Variants in LIMCH1 observed in about 807,000 individuals in gnomAD.
LIMCH1 encodes the protein LIM and calponin homology domains 1.
LIMCH1 carries 113 observed loss-of-function variants against 176.5 expected under a neutral mutation model. That is an observed-to-expected ratio of 0.64 (90% CI 0.55 to 0.75). The LOEUF (loss-of-function observed/expected upper bound fraction) is 0.75, where lower values mean the gene tolerates loss of function less well. Ranked by LOEUF, LIMCH1 falls within the 30% of genes least tolerant of loss-of-function variation. The probability of loss-of-function intolerance (pLI) is 0.00; values close to 1 mark genes in which losing one functional copy is unlikely to be tolerated. For missense variants in LIMCH1, 1,674 were observed against 1,814.9 expected, an observed-to-expected ratio of 0.92 and a Z score of 1.41; for synonymous variants, 619 against 645.9, an observed-to-expected ratio of 0.96 and a Z score of 0.63.
At chr4:41,415,539 G>A (rs144182310) in intron 1 of LIMCH1, among the ~76,000 whole-genome samples, 17 of 152,264 alleles carry the variant, frequency 1.1e-4, no homozygotes, top group Admixed American at 1.0e-3. Context: ...CCAGGAGTCT[G>A]AAACCCAGCC....
chr4:41,419,709 T>TTCCTTCCTTCCTTCCG (rs1561313158), intron 1 of LIMCH1, among the ~76,000 whole-genome samples: 1 of 116,520 alleles, frequency 8.6e-6, no homozygotes, highest in East Asian at 2.5e-4. Flanking sequence ...CCTTCCTTCC[T>TTCCTTCCTTCCTTCCG]TCCTTCCTTC....
chr4:41,577,575 A>G (rs535801746), intron 1 of LIMCH1, among the ~76,000 whole-genome samples: 4 of 152,200 alleles, frequency 2.6e-5, no homozygotes, highest in Admixed American at 6.5e-5. Context: ...GACTACAGGT[A>G]TGTGCCACCA....
intron 1 of LIMCH1, among the ~76,000 whole-genome samples, chr4:41,468,400 C>T (rs922557952): frequency 1.5e-5 from 2 of 133,412 alleles, no homozygotes; most frequent in African/African-American, 2.8e-5. Flanking sequence ...CTCCCTTCCT[C>T]CCTTCCTTCC....
At chr4:41,574,414 C>T (rs1300927767) in intron 1 of LIMCH1, among the ~76,000 whole-genome samples, 1 of 151,502 alleles carries the variant, frequency 6.6e-6, no homozygotes, top group African/African-American at 2.4e-5. Flanking sequence ...CAGCCTCAGC[C>T]TCCTAAGTAG....
intron 1 of LIMCH1, among the ~76,000 whole-genome samples, chr4:41,581,901 A>T (rs1162186872): frequency 6.6e-6 from 1 of 151,686 alleles, no homozygotes; most frequent in Non-Finnish European, 1.5e-5. Flanking sequence ...ACTTGGCATA[A>T]TGTCCTCCAG....
rs373773684 is a variant in LIMCH1, at chr4:41,591,077, G to C, written c.-240-7843G>C. 3.9e-5 allele frequency among the ~76,000 whole-genome samples: 6 copies of C among 152,284 alleles called. No individual in the cohort carries two copies. In the East Asian group the frequency reaches 7.7e-4, roughly 20 times the overall value. ...GTTTAAAAGAAAAACAAGTCTTATA[G>C]GTAGAATAGAAAAGTAACATTATTG... On this transcript the variant is annotated intron_variant, in intron 1 of 31. Transcript: ENST00000503057.
chr4:41,644,436 G>GGC, intron 14 of LIMCH1, 64 bp from the exon 15 acceptor site: 6 of 1,420,936 alleles, frequency 4.2e-6, no homozygotes, highest in Non-Finnish European at 5.5e-6. Context: ...AGGACGCCCA[G>GGC]GCGCGCGGAG....
At chr4:41,567,746 G>A (rs982402492) in intron 1 of LIMCH1, among the ~76,000 whole-genome samples, 1 of 152,208 alleles carries the variant, frequency 6.6e-6, no homozygotes, top group Non-Finnish European at 1.5e-5. Context: ...ATCTTTGGAA[G>A]TATTGCTACA....
At chr4:41,522,193 C>T (rs932440969) in intron 2 of LIMCH1, among the ~76,000 whole-genome samples, 3 of 152,128 alleles carry the variant, frequency 2.0e-5, no homozygotes, top group African/African-American at 7.2e-5. Context: ...TCTGTCAGCT[C>T]TGCAGTCATC....
At chr4:41,549,453 C>A (rs955914102) in intron 1 of LIMCH1, among the ~76,000 whole-genome samples, 1 of 152,168 alleles carries the variant, frequency 6.6e-6, no homozygotes, top group Non-Finnish European at 1.5e-5. Context: ...GAGGCTGATG[C>A]CTTGCCCTTG....
At chr4:41,684,647 C>A in intron 27 of LIMCH1, 129 bp downstream of exon 27, 2 of 956,706 alleles carry the variant, frequency 2.1e-6, no homozygotes, top group Non-Finnish European at 3.0e-6. Flanking sequence ...AGCTTATGCC[C>A]AATATATAGT....
chr4:41,644,341 A>G (rs1040745624), intron 14 of LIMCH1, among the ~76,000 whole-genome samples, 159 bp from the exon 15 acceptor site: 2 of 152,152 alleles, frequency 1.3e-5, no homozygotes, highest in African/African-American at 4.8e-5. Context: ...CCGCCCGCCC[A>G]GGGCCAGAAC....
intron 1 of LIMCH1, among the ~76,000 whole-genome samples, chr4:41,491,049 C>T (rs1466271174): frequency 6.5e-5 from 9 of 138,212 alleles, no homozygotes; most frequent in African/African-American, 8.3e-5. Flanking sequence ...CCAGACGGGG[C>T]GGCTGGGCAG....
chr4:41,420,509 G>A (rs1196570783), intron 1 of LIMCH1, among the ~76,000 whole-genome samples: 1 of 152,172 alleles, frequency 6.6e-6, no homozygotes, highest in Non-Finnish European at 1.5e-5. Context: ...GGTTAATTAT[G>A]TTCCTTTATT....
At chr4:41,561,739 T>A (rs2082089919) in intron 1 of LIMCH1, among the ~76,000 whole-genome samples, 1 of 152,146 alleles carries the variant, frequency 6.6e-6, no homozygotes. Flanking sequence ...AAGAACTAAA[T>A]TCCTACTGGG....
At chr4:41,591,703 T>C (rs147497414) in intron 1 of LIMCH1, among the ~76,000 whole-genome samples, 1 of 152,342 alleles carries the variant, frequency 6.6e-6, no homozygotes, top group Non-Finnish European at 1.5e-5. Context: ...TATATTGCAT[T>C]TTAAATATGT....
At chr4:41,480,128 C>G (rs193020482) in intron 1 of LIMCH1, among the ~76,000 whole-genome samples, 1 of 152,190 alleles carries the variant, frequency 6.6e-6, no homozygotes, top group African/African-American at 2.4e-5. Context: ...TTCCAACCTA[C>G]AGGTTGGACT....
chr4:41,605,724 T>G (rs2152769958), intron 3 of LIMCH1, among the ~76,000 whole-genome samples, 170 bp from the exon 4 acceptor site: 2 of 152,360 alleles, frequency 1.3e-5, no homozygotes, highest in East Asian at 3.9e-4. Context: ...CATTGGGTTC[T>G]TATTAAAGTG....
intron 18 of LIMCH1, among the ~76,000 whole-genome samples, chr4:41,652,484 T>G (rs973460692): frequency 6.6e-6 from 1 of 152,214 alleles, no homozygotes; most frequent in Non-Finnish European, 1.5e-5. Context: ...CTGCTAGAGA[T>G]TTCTTGCAGA....
Sources: gnomAD v4.1 joint callset for allele counts (sites outside exome capture counted in the v4.1 genomes callset) on GRCh38, gnomAD v4.1.1 for gene constraint, MANE v1.5 for transcripts, NCBI Gene and HGNC (gene_info 2026-07-23, HGNC 2026-07-21) for gene names.